The following TRERF1 variants were observed in gnomAD, a reference collection of about 807,000 sequenced individuals.
The protein encoded by TRERF1 is transcriptional regulating factor 1.
In TRERF1, 27 loss-of-function variants were observed where a neutral mutation model predicts 122.9. That is an observed-to-expected ratio of 0.22 (90% CI 0.16 to 0.30). The LOEUF (loss-of-function observed/expected upper bound fraction) is 0.30. Among genes scored for constraint, TRERF1 ranks in the 10% least tolerant of loss-of-function variants. The probability of loss-of-function intolerance (pLI) is 1.00; values close to 1 mark genes in which losing one functional copy is unlikely to be tolerated. For missense variants in TRERF1, 1,248 were observed against 1,560.3 expected (o/e 0.80, Z 3.37); for synonymous variants, 636 against 641.7 (o/e 0.99, Z 0.13).
intron 2 of TRERF1, among the ~76,000 whole-genome samples, chr6:42,408,225 ATATG>A (rs201915102): frequency 8.5e-5 from 11 of 129,206 alleles, no homozygotes; most frequent in African/African-American, 3.3e-4. Context: ...ATATATATAT[ATATG>A]TGTGTGTGTA....
At chr6:42,382,122 G>A (rs1163150447) in intron 2 of TRERF1, among the ~76,000 whole-genome samples, 2 of 151,570 alleles carry the variant, frequency 1.3e-5, no homozygotes, top group Non-Finnish European at 2.9e-5. Context: ...CAACCCTTCA[G>A]TGTGGTTCCC....
chr6:42,426,666 CA>C (rs1057199401), intron 2 of TRERF1, among the ~76,000 whole-genome samples: 5 of 152,272 alleles, frequency 3.3e-5, no homozygotes, highest in African/African-American at 1.2e-4. Flanking sequence ...TAAACCTGGC[CA>C]AACACCTGGT....
At chr6:42,262,725 T>C (rs1486927134) in intron 8 of TRERF1, among the ~76,000 whole-genome samples, 1 of 152,174 alleles carries the variant, frequency 6.6e-6, no homozygotes, top group African/African-American at 2.4e-5. Context: ...TAGGGGTGGG[T>C]GGCTCTCAGT....
intron 3 of TRERF1, among the ~76,000 whole-genome samples, chr6:42,315,528 G>A (rs1278217879): frequency 1.3e-5 from 2 of 152,174 alleles, no homozygotes; most frequent in Admixed American, 1.3e-4. Context: ...AGAAGCAGGG[G>A]TAGAGGCAAA....
chr6:42,257,000 G>T (rs748221201), exon 11 of TRERF1: 9 of 1,614,098 alleles, frequency 5.6e-6, no homozygotes, highest in Admixed American at 1.7e-5. Flanking sequence ...GTTCTGGCCA[G>T]GGCTTCCATA....
intron 2 of TRERF1, among the ~76,000 whole-genome samples, chr6:42,448,237 C>G (rs1427101982): frequency 6.6e-6 from 1 of 152,162 alleles, no homozygotes; most frequent in African/African-American, 2.4e-5. Context: ...CCTCCTGCTG[C>G]CTGGGAATAA....
At chr6:42,230,306 T>C (rs535765081) in intron 17 of TRERF1, among the ~76,000 whole-genome samples, 1 of 151,966 alleles carries the variant, frequency 6.6e-6, no homozygotes, top group African/African-American at 2.4e-5. Context: ...GTATTTTCCA[T>C]GAAATCATAA....
chr6:42,259,390 G>A lies in TRERF1; in HGVS notation c.2218C>T (p.Leu740=), dbSNP rs778665195. 1.3e-6 allele frequency: 2 copies of A among 1,528,178 alleles called. No individual in the cohort carries two copies. The highest frequency in any genetic ancestry group is 1.7e-6 in the Non-Finnish European group (2 of 1,147,666). 94.7% of individuals were successfully genotyped at this position (1,528,178 alleles called of 1,614,324 possible). Residue 740 remains leucine, a synonymous_variant, in exon 9 of 18, where the codon CTG becomes TTG. Transcript: ENST00000372922. The surrounding 1 kb of genome is among the most constrained non-coding windows in gnomAD (Gnocchi z 4.9). Reference sequence around the variant, plus strand: ...GTGGGCGTCAGGGGCGTCAGGGGCAGCTGCGGGTGGGCGCCAGGGCCGTGG... The same window carrying A: ...GTGGGCGTCAGGGGCGTCAGGGGCAACTGCGGGTGGGCGCCAGGGCCGTGG...
At chr6:42,294,447 T>G (rs1262354104) in intron 4 of TRERF1, among the ~76,000 whole-genome samples, 4 of 152,034 alleles carry the variant, frequency 2.6e-5, no homozygotes, top group African/African-American at 9.7e-5. Flanking sequence ...CCCAAAGTGC[T>G]AGGATTACAG....
exon 11 of TRERF1, chr6:42,257,066 G>A (rs763712297): frequency 4.3e-6 from 7 of 1,614,212 alleles, no homozygotes; most frequent in South Asian, 3.3e-5. Context: ...GGAGTTCAGG[G>A]ATTTCTGCTT....
chr6:42,333,142 G>T (rs933268443), intron 3 of TRERF1, among the ~76,000 whole-genome samples: 10 of 152,224 alleles, frequency 6.6e-5, no homozygotes, highest in African/African-American at 2.4e-4. Context: ...TTAAGGTCTT[G>T]TTCCTTAATA....
chr6:42,377,479 T>C (rs1775115861), intron 2 of TRERF1, among the ~76,000 whole-genome samples: 1 of 152,264 alleles, frequency 6.6e-6, no homozygotes, highest in Non-Finnish European at 1.5e-5. Flanking sequence ...TTCATCCATG[T>C]TGTAGCATGT....
chr6:42,417,447 G>A (rs1172446725), intron 2 of TRERF1, among the ~76,000 whole-genome samples: 2 of 152,204 alleles, frequency 1.3e-5, no homozygotes, highest in Non-Finnish European at 2.9e-5. Flanking sequence ...CACCGGTCCT[G>A]CCCTCTAAGA....
Position 42,360,975 on chromosome 6 carries a change from G to T in TRERF1, c.-371+2022C>A, listed in dbSNP as rs1271898478. Among the ~76,000 whole-genome samples, 4 of 152,068 alleles carry T rather than the reference G, an allele frequency of 2.6e-5. No individual in the cohort carries two copies. In the East Asian group the frequency reaches 7.7e-4, roughly 29 times the overall value. Reference sequence around the variant, plus strand: ...AGGATTTTTGGTAGTCAGCCTGAAAGAATCCAAACTGATAAATGGGAAACG... The same window carrying T: ...AGGATTTTTGGTAGTCAGCCTGAAATAATCCAAACTGATAAATGGGAAACG... On this transcript the variant is annotated intron_variant, in intron 3 of 17. Coordinates refer to ENST00000372922, the Ensembl canonical transcript of TRERF1.
intron 3 of TRERF1, among the ~76,000 whole-genome samples, chr6:42,329,622 T>G (rs76865221): frequency 6.6e-6 from 1 of 151,738 alleles, no homozygotes; most frequent in African/African-American, 2.4e-5. Context: ...TATATAGATA[T>G]AAAGGAAGTT....
chr6:42,225,577 T>C (rs1281738022), exon 18 of TRERF1: 1 of 151,940 alleles, frequency 6.6e-6, no homozygotes, highest in African/African-American at 2.4e-5. Flanking sequence ...CTAGATATTA[T>C]GATGTCAACT....
chr6:42,370,352 T>C (rs429506), intron 2 of TRERF1, among the ~76,000 whole-genome samples: 6,101 of 152,304 alleles, frequency 0.04, 400 homozygotes, highest in African/African-American at 0.14. Context: ...GGTGACATTA[T>C]TTTCACTTCC....
At chr6:42,420,977 G>A (rs992321358) in intron 2 of TRERF1, among the ~76,000 whole-genome samples, 1 of 152,204 alleles carries the variant, frequency 6.6e-6, no homozygotes, top group Non-Finnish European at 1.5e-5. Context: ...CTCCATCCAC[G>A]GTTCTTCCTA....
intron 2 of TRERF1, among the ~76,000 whole-genome samples, chr6:42,399,295 G>A (rs899185518): frequency 3.9e-5 from 6 of 152,130 alleles, no homozygotes; most frequent in African/African-American, 1.4e-4. Context: ...ATAGTAATGA[G>A]CTGGAGTTAT....
Sources: allele counts gnomAD v4.1 joint callset (sites outside exome capture counted in the v4.1 genomes callset), GRCh38; gene constraint gnomAD v4.1.1; non-coding constraint Gnocchi (gnomAD v3.1); transcripts MANE v1.5; gene names NCBI Gene and HGNC (gene_info 2026-07-23, HGNC 2026-07-21).